Variants in EMC2 observed in about 807,000 individuals in gnomAD.
EMC2 encodes the protein ER membrane protein complex subunit 2, also known as TPR repeat protein 35.
EMC2 carries 37 observed loss-of-function variants against 51.6 expected under a neutral mutation model. The ratio of observed to expected loss-of-function variants is 0.72; its 90% CI spans 0.55 to 0.94. The LOEUF is 0.94. Ranked by LOEUF, EMC2 falls within the 40% of genes least tolerant of loss-of-function variation. The pLI is 0.00. For synonymous variants in EMC2, 131 were observed against 112.4 expected, an observed-to-expected ratio of 1.17 and a Z score of -1.04; for missense variants, 359 against 350.9, an observed-to-expected ratio of 1.02 and a Z score of -0.18.
chr8:108,489,077 G>T lies in EMC2; in HGVS notation c.*2479G>T, dbSNP rs1342435023. ...ACATTTCAGAGATAGAACTGAAGGAGGATTAAGGGGATCCTGGGTCCCTGA... is the reference window on the plus strand; with the variant it reads ...ACATTTCAGAGATAGAACTGAAGGATGATTAAGGGGATCCTGGGTCCCTGA... On this transcript the variant is annotated 3_prime_UTR_variant, in exon 11 of 11. Coordinates refer to ENST00000220853, the MANE Select transcript of EMC2 (RefSeq NM_014673.5). Among the ~76,000 whole-genome samples the T allele has an allele frequency of 2.0e-5, 3 of 152,148 alleles. No homozygotes were observed. The highest frequency in any genetic ancestry group is 2.9e-5 in the Non-Finnish European group (2 of 68,022).
intron 3 of EMC2, among the ~76,000 whole-genome samples, chr8:108,451,461 T>A (rs1819019665): frequency 1.3e-5 from 2 of 152,132 alleles, no homozygotes; most frequent in Non-Finnish European, 2.9e-5. Context: ...TCATGCTGCC[T>A]CTGTATTTAA....
At chr8:108,457,128 A>G (rs2130354632) in intron 5 of EMC2, among the ~76,000 whole-genome samples, 1 of 152,334 alleles carries the variant, frequency 6.6e-6, no homozygotes, top group South Asian at 2.1e-4. Context: ...CACTGATCAT[A>G]AATCCCTTAT....
At chr8:108,446,707 T>C (rs556343812) in intron 1 of EMC2, among the ~76,000 whole-genome samples, 1 of 152,316 alleles carries the variant, frequency 6.6e-6, no homozygotes, top group South Asian at 2.1e-4. Context: ...GGTAATGAGC[T>C]ATCAAAGGTG....
chr8:108,459,265 T>G lies in EMC2; in HGVS notation c.363+3335T>G, dbSNP rs148473935. ...TCCAAACTGTTTCAGTCTCTGCCAG[T>G]ACCCAGTTCCAAAGTTGCTTCCACA... On this transcript the variant is annotated intron_variant, in intron 5 of 10. Coordinates refer to ENST00000220853, the MANE Select transcript of EMC2 (RefSeq NM_014673.5). Among the ~76,000 whole-genome samples, 4 of 152,354 alleles carry G rather than the reference T, an allele frequency of 2.6e-5. No homozygotes were observed. The East Asian group carries it at 5.8e-4, about 22-fold the overall frequency.
chr8:108,459,646 G>A (rs1819258123), intron 5 of EMC2, among the ~76,000 whole-genome samples: 1 of 151,600 alleles, frequency 6.6e-6, no homozygotes, highest in South Asian at 2.1e-4. Context: ...TGATGCAAGG[G>A]AATTGTGGGA....
At chr8:108,450,024 TC>T in intron 2 of EMC2, 88 bp downstream of exon 2, 1 of 541,696 alleles carries the variant, frequency 1.8e-6, no homozygotes, top group Non-Finnish European at 3.3e-6. Context: ...TCATGATTTT[TC>T]TACTTGTCAT....
At chr8:108,470,669 T>A (rs1429472689) in intron 7 of EMC2, among the ~76,000 whole-genome samples, 1 of 152,132 alleles carries the variant, frequency 6.6e-6, no homozygotes, top group East Asian at 1.9e-4. Context: ...TTTGTTAGCT[T>A]TTTTATTGCT....
At chr8:108,456,794 G>C (rs1031834476) in intron 5 of EMC2, among the ~76,000 whole-genome samples, 6 of 152,096 alleles carry the variant, frequency 3.9e-5, no homozygotes, top group African/African-American at 9.7e-5. Flanking sequence ...AAGTTACAGA[G>C]AGACTTTAGA....
At position 108,469,930 on chromosome 8, in the gene EMC2, G is replaced by C; in HGVS notation, c.449+19G>C. 1.3e-6 allele frequency: 2 copies of C among 1,591,394 alleles called. No individual in the cohort carries two copies. Among genetic ancestry groups the C allele is most frequent in the Non-Finnish European group, 1.7e-6 (2 of 1,159,930 alleles). On this transcript the variant is annotated intron_variant, in intron 6 of 10. Transcript: ENST00000220853. ...TGGAACAGTGAGTATTTTACAAGAG[G>C]ATTGTGTTTTGTTATTCTGATAAAT... is the stretch of plus-strand genomic sequence containing the variant.
chr8:108,470,596 A>G (rs1224507424), intron 7 of EMC2, among the ~76,000 whole-genome samples: 2 of 152,128 alleles, frequency 1.3e-5, no homozygotes, highest in Non-Finnish European at 2.9e-5. Context: ...GCCTGGGTAA[A>G]AAACTGAGAA....
At chr8:108,485,757 T>C (rs1811127615) in intron 10 of EMC2, among the ~76,000 whole-genome samples, 1 of 151,238 alleles carries the variant, frequency 6.6e-6, no homozygotes, top group South Asian at 2.1e-4. Flanking sequence ...TTGAATTTAA[T>C]ATGCCATGAA....
intron 5 of EMC2, among the ~76,000 whole-genome samples, chr8:108,456,430 G>A (rs1160960429): frequency 6.7e-6 from 1 of 150,212 alleles, no homozygotes; most frequent in Non-Finnish European, 1.5e-5. Context: ...CTATGTGTTT[G>A]CATAAAATAT....
At chr8:108,450,089 G>A (rs1242362413) in intron 2 of EMC2, among the ~76,000 whole-genome samples, 153 bp downstream of exon 2, 1 of 149,830 alleles carries the variant, frequency 6.7e-6, no homozygotes, top group Non-Finnish European at 1.5e-5. Flanking sequence ...AGTTTATTTT[G>A]AGAAGGATTT....
intron 7 of EMC2, among the ~76,000 whole-genome samples, chr8:108,470,543 A>G (rs1332083297): frequency 2.6e-5 from 4 of 152,186 alleles, no homozygotes; most frequent in Admixed American, 6.5e-5. Context: ...TATTAGCCTT[A>G]GTACTAAGAG....
At chr8:108,475,774 A>T (rs1810935743) in intron 7 of EMC2, 108 bp from the exon 8 acceptor site, 2 of 604,234 alleles carry the variant, frequency 3.3e-6, no homozygotes, top group East Asian at 6.2e-5. Flanking sequence ...TTATATTGGG[A>T]ATAAATTGTT....
chr8:108,464,962 T>C (rs1819432695), intron 5 of EMC2, among the ~76,000 whole-genome samples: 1 of 152,182 alleles, frequency 6.6e-6, no homozygotes, highest in South Asian at 2.1e-4. Context: ...ACTGTCCAGT[T>C]CCTTCTGGGT....
At chr8:108,468,593 C>G (rs986559581) in intron 5 of EMC2, among the ~76,000 whole-genome samples, 1 of 145,116 alleles carries the variant, frequency 6.9e-6, no homozygotes, top group Non-Finnish European at 1.5e-5. Flanking sequence ...CTTTCACTTT[C>G]ATTTCTTCAG....
chr8:108,459,721 A>AGAGAGAGAGAGTGTGT (rs763020311), intron 5 of EMC2, among the ~76,000 whole-genome samples: 95 of 136,966 alleles, frequency 6.9e-4, no homozygotes, highest in Middle Eastern at 3.8e-3. Flanking sequence ...AGAGAGAGAG[A>AGAGAGAGAGAGTGTGT]GTGTGTGTGT....
chr8:108,475,780 T>C (rs1810935798), intron 7 of EMC2, 102 bp from the exon 8 acceptor site: 2 of 618,782 alleles, frequency 3.2e-6, no homozygotes, highest in Non-Finnish European at 5.7e-6. Flanking sequence ...TGGGAATAAA[T>C]TGTTTAACAT....
Sources: allele counts gnomAD v4.1 joint callset (sites outside exome capture counted in the v4.1 genomes callset), GRCh38; gene constraint gnomAD v4.1.1; transcripts MANE v1.5; gene names NCBI Gene and HGNC (gene_info 2026-07-23, HGNC 2026-07-21).